Variants in FBN1 observed in about 807,000 individuals in gnomAD.
The protein encoded by FBN1 is fibrillin 1.
Under a neutral mutation model 365.1 loss-of-function variants are expected in FBN1, and 29 were observed. The ratio of observed to expected loss-of-function variants is 0.08; its 90% CI spans 0.06 to 0.11. The LOEUF is 0.11. FBN1 is among the 10% of genes least tolerant of loss of function. The pLI is 1.00. For synonymous variants in FBN1, 1,210 were observed against 1,270.5 expected, an observed-to-expected ratio of 0.95 and a Z score of 1.01; for missense variants, 2,476 against 3,703.2, an observed-to-expected ratio of 0.67 and a Z score of 8.60.
chr15:48,497,645 G>A (rs1425555225), intron 18 of FBN1, among the ~76,000 whole-genome samples: 2 of 151,720 alleles, frequency 1.3e-5, no homozygotes, highest in Admixed American at 1.3e-4. Flanking sequence ...CCTTAATCAA[G>A]CTGAAGGAGA....
chr15:48,417,173 T>C lies in FBN1; in HGVS notation c.7820-1406A>G, dbSNP rs572342117. Among the ~76,000 whole-genome samples the C allele has an allele frequency of 4.5e-5, 6 of 134,680 alleles. No individual in the cohort carries two copies. In the South Asian group the frequency reaches 1.5e-3, roughly 34 times the overall value. 88.4% of individuals were successfully genotyped at this position (134,680 alleles called of 152,430 possible). A position where few individuals can be genotyped will look rare whatever the true frequency, so the allele number is the denominator to read the frequency against. On this transcript the variant is annotated intron_variant, in intron 63 of 65. Transcript: ENST00000316623. ...TTAAGCTGGTGCTTCCTTTCTCCTGTAATTAGTTTACCTTCTTTGCTAAGG... is the reference window on the plus strand; with the variant it reads ...TTAAGCTGGTGCTTCCTTTCTCCTGCAATTAGTTTACCTTCTTTGCTAAGG...
intron 10 of FBN1, 139 bp from the exon 11 acceptor site, chr15:48,516,501 G>A: frequency 1.1e-6 from 1 of 874,916 alleles, no homozygotes; most frequent in Non-Finnish European, 1.8e-6. Flanking sequence ...CTGGAGAAAA[G>A]AAAAAGAACC....
intron 2 of FBN1, among the ~76,000 whole-genome samples, chr15:48,630,171 T>A (rs544596353): frequency 1.3e-5 from 2 of 152,244 alleles, no homozygotes; most frequent in Non-Finnish European, 2.9e-5. Flanking sequence ...TTCATTTTCA[T>A]AAAGACATTT....
At chr15:48,436,431 A>T (rs909559259) in intron 53 of FBN1, among the ~76,000 whole-genome samples, 4 of 152,186 alleles carry the variant, frequency 2.6e-5, no homozygotes, top group Non-Finnish European at 1.5e-5. Flanking sequence ...ATAACTAAAT[A>T]TGATCCTTGG....
chr15:48,470,784 A>C (rs1471138275), intron 35 of FBN1, 28 bp from the exon 36 acceptor site: 16 of 1,610,352 alleles, frequency 9.9e-6, no homozygotes, highest in African/African-American at 1.3e-5. Context: ...AAAAGCAAAA[A>C]ACTTAACTTA....
chr15:48,631,029 T>C (rs1376177377), intron 2 of FBN1, among the ~76,000 whole-genome samples: 2 of 152,158 alleles, frequency 1.3e-5, no homozygotes, highest in Non-Finnish European at 2.9e-5. Context: ...AGAGCTGGCA[T>C]GTAGGGTGCA....
At position 48,590,860 on chromosome 15, in the gene FBN1, TCTA is replaced by T. The variant is rs1323729542; in HGVS notation, c.538+5420_538+5422del. Among the ~76,000 whole-genome samples, 14 of 152,222 alleles carry T rather than the reference TCTA, an allele frequency of 9.2e-5. No homozygotes were observed. In the East Asian group the frequency reaches 2.5e-3, roughly 27 times the overall value. ...CAACAATGCTTTCCCCTATACTTTATCTACTGATAGCCAGCATAACAGCCAACA... is the reference window on the plus strand; with the variant it reads ...CAACAATGCTTTCCCCTATACTTTATCTGATAGCCAGCATAACAGCCAACA... On this transcript the variant is annotated intron_variant, in intron 6 of 65. Transcript: ENST00000316623.
intron 6 of FBN1, among the ~76,000 whole-genome samples, chr15:48,589,258 G>C (rs1029890190): frequency 3.3e-5 from 5 of 152,192 alleles, no homozygotes; most frequent in African/African-American, 1.2e-4. Context: ...AAACAGACCA[G>C]ATGATTTCAT....
chr15:48,629,898 T>C (rs1726487486), intron 2 of FBN1, among the ~76,000 whole-genome samples: 2 of 152,200 alleles, frequency 1.3e-5, no homozygotes, highest in Admixed American at 1.3e-4. Flanking sequence ...GAACCACCTT[T>C]ATCTGTTACG....
intron 6 of FBN1, among the ~76,000 whole-genome samples, chr15:48,584,159 C>A (rs2044418011): frequency 6.6e-6 from 1 of 152,088 alleles, no homozygotes; most frequent in Non-Finnish European, 1.5e-5. Flanking sequence ...TGTGCCAGAT[C>A]CTGTGCTAAG....
intron 30 of FBN1, 125 bp from the exon 31 acceptor site, chr15:48,484,068 C>A: frequency 2.1e-6 from 2 of 955,272 alleles, no homozygotes; most frequent in Non-Finnish European, 3.2e-6. Flanking sequence ...ACTCTCAAAT[C>A]CAAATGAAGC....
chr15:48,582,989 T>G (rs1266952876), intron 6 of FBN1, among the ~76,000 whole-genome samples: 1 of 152,176 alleles, frequency 6.6e-6, no homozygotes, highest in African/African-American at 2.4e-5. Flanking sequence ...TAATGTGCTA[T>G]AGAAAAATGT....
chr15:48,508,715 A>G lies in FBN1; in HGVS notation c.1715-11T>C. 1 of 1,613,428 alleles carries G rather than the reference A, an allele frequency of 6.2e-7. No individual in the cohort carries two copies. Among genetic ancestry groups the G allele is most frequent in the Non-Finnish European group, 8.5e-7 (1 of 1,179,556 alleles). On this transcript the variant is annotated splice_polypyrimidine_tract_variant and intron_variant, in intron 14 of 65. Coordinates refer to ENST00000316623, the MANE Select transcript of FBN1 (RefSeq NM_000138.5). ...TGCATTCATCCATATCTGAAAATAC[A>G]AAACATACATTTTCTTATGACCAGA...
At chr15:48,473,303 T>C (rs1347504472) in intron 34 of FBN1, among the ~76,000 whole-genome samples, 6 of 152,228 alleles carry the variant, frequency 3.9e-5, no homozygotes. Context: ...TTAGCCTCTA[T>C]TGTGCTTAAA....
At chr15:48,542,781 A>ATATGTGTGTGTG (rs1398899180) in intron 6 of FBN1, among the ~76,000 whole-genome samples, 2 of 130,572 alleles carry the variant, frequency 1.5e-5, no homozygotes, top group Admixed American at 7.6e-5. Context: ...GGACTCTAAG[A>ATATGTGTGTGTG]TGTGTGTGTG....
At chr15:48,435,616 C>G (rs1191511652) in intron 53 of FBN1, among the ~76,000 whole-genome samples, 2 of 151,724 alleles carry the variant, frequency 1.3e-5, no homozygotes, top group Non-Finnish European at 2.9e-5. Flanking sequence ...TAGGTTATGA[C>G]CGCTCTAAAA....
In FBN1 at chr15:48,410,724, A is replaced by G. The variant is rs200718684; in HGVS notation, c.*266T>C. Reference sequence around the variant, plus strand: ...TGTCAGCATAAATGGCCAACCCCCAATGGAAATACACGTCCCAGTTTTCAA... The same window carrying G: ...TGTCAGCATAAATGGCCAACCCCCAGTGGAAATACACGTCCCAGTTTTCAA... On this transcript the variant is annotated 3_prime_UTR_variant, in exon 66 of 66. Coordinates refer to ENST00000316623, the MANE Select transcript of FBN1 (RefSeq NM_000138.5). 24 of 438,236 alleles carry G rather than the reference A, an allele frequency of 5.5e-5. 1 individual carries two copies. Among genetic ancestry groups the G allele is most frequent in the East Asian group, 4.2e-4 (10 of 24,078 alleles). The allele number at this position is 438,236 out of a possible 1,614,324, so 27.1% of individuals were successfully genotyped here. A position where few individuals can be genotyped will look rare whatever the true frequency, so the allele number is the denominator to read the frequency against.
intron 9 of FBN1, among the ~76,000 whole-genome samples, chr15:48,522,206 C>T (rs1373356665): frequency 2.0e-5 from 3 of 152,104 alleles, no homozygotes; most frequent in African/African-American, 4.8e-5. Context: ...CATTGATCTA[C>T]ATTATGGTGA....
At chr15:48,417,138 C>T (rs924578433) in intron 63 of FBN1, among the ~76,000 whole-genome samples, 3 of 152,184 alleles carry the variant, frequency 2.0e-5, no homozygotes, top group Admixed American at 6.5e-5. Flanking sequence ...TCTCAAGAGA[C>T]GCTCCACATT....
Sources: allele counts gnomAD v4.1 joint callset (sites outside exome capture counted in the v4.1 genomes callset), GRCh38; gene constraint gnomAD v4.1.1; transcripts MANE v1.5; gene names NCBI Gene and HGNC (gene_info 2026-07-23, HGNC 2026-07-21).